CACNA1C: variants seen among roughly 807,000 people sequenced by gnomAD.
CACNA1C encodes voltage-dependent L-type calcium channel subunit alpha-1C.
Under a neutral mutation model 229.0 loss-of-function variants are expected in CACNA1C, and 30 were observed. The ratio of observed to expected loss-of-function variants is 0.13; its 90% CI spans 0.10 to 0.18. CACNA1C has a LOEUF of 0.18. Among genes scored for constraint, CACNA1C ranks in the 10% least tolerant of loss-of-function variants. The pLI is 1.00. For missense variants in CACNA1C, 1,658 were observed against 2,845.0 expected, an observed-to-expected ratio of 0.58 and a Z score of 9.49; for synonymous variants, 1,114 against 1,132.5, an observed-to-expected ratio of 0.98 and a Z score of 0.33.
At chr12:2,111,575 G>A (rs756055122) in intron 1 of CACNA1C, among the ~76,000 whole-genome samples, 2 of 152,188 alleles carry the variant, frequency 1.3e-5, no homozygotes, top group African/African-American at 2.4e-5. Flanking sequence ...CAGGGGAGGC[G>A]TGAGCTGTGG....
Position 2,467,992 on chromosome 12 carries a change from ACCT to A in CACNA1C, c.757+10288_757+10290del, listed in dbSNP as rs1044484917. Among the ~76,000 whole-genome samples, 8 of 152,112 alleles carry A rather than the reference ACCT, an allele frequency of 5.3e-5. No individual in the cohort carries two copies. The highest frequency in any genetic ancestry group is 1.7e-4 in the African/African-American group (7 of 41,404). On this transcript the variant is annotated intron_variant, in intron 5 of 46. Transcript: ENST00000399655. This position sits in a 1 kb window ranked among gnomAD's most constrained non-coding sequence, Gnocchi z 4.6. ...GCCCTGTGAGCTCCCAGCATCCGAG[ACCT>A]CTTGGAGAGGGACCCTGTGGGTTGG...
chr12:2,238,167 GA>G (rs775575465), intron 3 of CACNA1C, among the ~76,000 whole-genome samples: 6 of 152,300 alleles, frequency 3.9e-5, no homozygotes, highest in Middle Eastern at 3.4e-3. Context: ...TTATGCAGAA[GA>G]AGCATTTTTT....
At chr12:2,562,079 C>T (rs2047768745) in intron 11 of CACNA1C, among the ~76,000 whole-genome samples, 1 of 150,636 alleles carries the variant, frequency 6.6e-6, no homozygotes, top group South Asian at 2.1e-4. Context: ...CCCACCCCCA[C>T]CCCAGCCCAA....
chr12:2,385,987 G>A (rs184583834), intron 3 of CACNA1C, among the ~76,000 whole-genome samples: 2 of 152,306 alleles, frequency 1.3e-5, no homozygotes, highest in African/African-American at 2.4e-5. Context: ...AAACTTGTAA[G>A]TAAGTACATT....
At chr12:2,121,043 T>G (rs1346008842) in intron 3 of CACNA1C, among the ~76,000 whole-genome samples, 1 of 152,198 alleles carries the variant, frequency 6.6e-6, no homozygotes, top group Non-Finnish European at 1.5e-5. Flanking sequence ...TACTTTTGGC[T>G]GAGCTTGAAG....
intron 1 of CACNA1C, among the ~76,000 whole-genome samples, chr12:2,002,774 C>T (rs1031587014): frequency 1.3e-5 from 2 of 152,108 alleles, no homozygotes; most frequent in African/African-American, 4.8e-5. Flanking sequence ...ATACCTTTAG[C>T]ATTTTTCTAC....
chr12:1,982,040 G>A (rs2036300111), intron 1 of CACNA1C, among the ~76,000 whole-genome samples: 1 of 152,138 alleles, frequency 6.6e-6, no homozygotes, highest in African/African-American at 2.4e-5. Context: ...GTTTTACTTG[G>A]AAGGCATTTC....
chr12:2,141,603 C>T lies in CACNA1C; in HGVS notation c.477+21173C>T, dbSNP rs915649886. On this transcript the variant is annotated intron_variant, in intron 3 of 46. Transcript: ENST00000399655. Reference sequence around the variant, plus strand: ...CCATAAGAGAAACCTTTCTGGTCACCCCATAAGGGATGCAAGCTCCGTAAC... The same window carrying T: ...CCATAAGAGAAACCTTTCTGGTCACTCCATAAGGGATGCAAGCTCCGTAAC... Among the ~76,000 whole-genome samples the T allele has an allele frequency of 2.0e-5, 3 of 151,368 alleles. No homozygotes were observed. In the South Asian group the frequency reaches 6.3e-4, roughly 32 times the overall value.
chr12:2,418,118 C>T (rs2098934296), intron 3 of CACNA1C, among the ~76,000 whole-genome samples: 1 of 152,148 alleles, frequency 6.6e-6, no homozygotes, highest in South Asian at 2.1e-4. Context: ...AACCTTCTGC[C>T]TCAGCTCGCT....
At chr12:2,593,389 T>C in intron 19 of CACNA1C, 44 bp downstream of exon 19, 1 of 1,605,528 alleles carries the variant, frequency 6.2e-7, no homozygotes, top group Non-Finnish European at 8.5e-7. Flanking sequence ...CTCTCTCTAG[T>C]ACCAGCCTGG....
intron 34 of CACNA1C, among the ~76,000 whole-genome samples, chr12:2,663,735 CTTT>C (rs55933898): frequency 3.3e-4 from 34 of 103,846 alleles, no homozygotes; most frequent in African/African-American, 9.6e-4. Context: ...AATAGAGTAT[CTTT>C]TTTTTTTTTT....
Position 2,694,411 on chromosome 12 carries a change from C to G in CACNA1C, c.*3212C>G, listed in dbSNP as rs1603474849. 1 of 152,254 alleles carries G rather than the reference C, an allele frequency of 6.6e-6. No individual in the cohort carries two copies. Among genetic ancestry groups the G allele is most frequent in the African/African-American group, 2.4e-5 (1 of 41,466 alleles). The allele number at this position is 152,254 out of a possible 1,614,324, so 9.4% of individuals were successfully genotyped here. A position where few individuals can be genotyped will look rare whatever the true frequency, so the allele number is the denominator to read the frequency against. On this transcript the variant is annotated 3_prime_UTR_variant, in exon 47 of 47. Coordinates refer to ENST00000399655, the MANE Select transcript of CACNA1C (RefSeq NM_000719.7). ...GGGCCCAAGGGACTTGAAGAAACAA[C>G]AGTTTAAGGTCTGCAGTTTGGTCAA... is the stretch of plus-strand genomic sequence containing the variant.
chr12:2,365,382 T>C (rs1464164911), intron 3 of CACNA1C, among the ~76,000 whole-genome samples: 2 of 152,232 alleles, frequency 1.3e-5, no homozygotes, highest in East Asian at 1.9e-4. Flanking sequence ...ATACCGAAGA[T>C]AGTGTTGATT....
At chr12:2,648,548 C>G (rs1430758701) in intron 31 of CACNA1C, 41 bp downstream of exon 31, 2 of 1,588,424 alleles carry the variant, frequency 1.3e-6, no homozygotes, top group African/African-American at 1.3e-5. Context: ...GCTTCCGTGT[C>G]CCCCTCTAAC....
intron 1 of CACNA1C, among the ~76,000 whole-genome samples, chr12:1,973,460 G>A (rs915383110): frequency 3.3e-5 from 5 of 152,274 alleles, no homozygotes; most frequent in Non-Finnish European, 7.4e-5. Flanking sequence ...AAATTAATAT[G>A]TACTCTCCAA....
At chr12:2,516,995 G>C (rs555277738) in intron 9 of CACNA1C, among the ~76,000 whole-genome samples, 1 of 152,290 alleles carries the variant, frequency 6.6e-6, no homozygotes, top group East Asian at 1.9e-4. Flanking sequence ...TGGGATACAG[G>C]GAAAGAACCA....
chr12:2,446,536 G>A (rs1596474544), intron 3 of CACNA1C, among the ~76,000 whole-genome samples: 1 of 149,376 alleles, frequency 6.7e-6, no homozygotes, highest in African/African-American at 2.5e-5. Flanking sequence ...AGGTGAATGG[G>A]TAGATGAATG....
rs531100392 is a variant in CACNA1C, at chr12:2,654,306, C to A, written c.4140+406C>A. On this transcript the variant is annotated intron_variant, in intron 33 of 46. Coordinates refer to ENST00000399655, the MANE Select transcript of CACNA1C (RefSeq NM_000719.7). This position sits in a 1 kb window ranked among gnomAD's most constrained non-coding sequence, Gnocchi z 4.4. ...AGGTCTGATGGGCCTGAGAGTTACC[C>A]CAACCAGATTCATTTGAAGCTAATG... 6.8e-4 allele frequency among the ~76,000 whole-genome samples: 104 copies of A among 152,294 alleles called. 1 individual carries two copies. Among genetic ancestry groups the A allele is most frequent in the African/African-American group, 2.4e-3 (101 of 41,560 alleles).
Position 2,677,484 on chromosome 12 carries a change from G to A in CACNA1C, c.4957-249G>A, listed in dbSNP as rs938060964. Reference sequence around the variant, plus strand: ...TCTCAAATACTTCACTGAGGCTCCCGTGACAGCCCCTGACCCCTGGTGCCC... The same window carrying A: ...TCTCAAATACTTCACTGAGGCTCCCATGACAGCCCCTGACCCCTGGTGCCC... On this transcript the variant is annotated intron_variant, in intron 40 of 46. Coordinates refer to ENST00000399655, the MANE Select transcript of CACNA1C (RefSeq NM_000719.7). The surrounding 1 kb of genome is among the most constrained non-coding windows in gnomAD (Gnocchi z 7.4). 45 of 612,816 alleles carry A rather than the reference G, an allele frequency of 7.3e-5. No individual in the cohort carries two copies. Among genetic ancestry groups the A allele is most frequent in the Middle Eastern group, 8.8e-4 (2 of 2,284 alleles). The allele number at this position is 612,816 out of a possible 1,614,324, so 38.0% of individuals were successfully genotyped here.
Sources: gnomAD v4.1 joint callset for allele counts (sites outside exome capture counted in the v4.1 genomes callset) on GRCh38, gnomAD v4.1.1 for gene constraint, Gnocchi (gnomAD v3.1) non-coding constraint, MANE v1.5 for transcripts, NCBI Gene and HGNC (gene_info 2026-07-23, HGNC 2026-07-21) for gene names.